NUSAP1: variants seen among roughly 807,000 people sequenced by gnomAD.
NUSAP1 encodes nucleolar and spindle-associated protein 1.
A neutral mutation model predicts 52.8 loss-of-function variants in NUSAP1; 32 were observed. That is an observed-to-expected ratio of 0.61 (90% CI 0.46 to 0.81). The LOEUF (loss-of-function observed/expected upper bound fraction) is 0.81. NUSAP1 is among the 40% of genes least tolerant of loss of function. NUSAP1 has a pLI of 0.00. For synonymous variants in NUSAP1, 195 were observed against 183.1 expected (o/e 1.06, Z -0.52); for missense variants, 499 against 522.3 (o/e 0.96, Z 0.43).
At chr15:41,352,237 C>A (rs1013700009) in intron 4 of NUSAP1, among the ~76,000 whole-genome samples, 5 of 152,066 alleles carry the variant, frequency 3.3e-5, no homozygotes, top group Non-Finnish European at 5.9e-5. Flanking sequence ...CCACCGCACC[C>A]GGCCTTCCTT....
intron 4 of NUSAP1, chr15:41,351,902 T>C (rs1567051473): frequency 2.0e-5 from 3 of 152,110 alleles, no homozygotes; most frequent in Non-Finnish European, 2.9e-5. Flanking sequence ...CAACATATCT[T>C]TTAGGGGGCC....
intron 1 of NUSAP1, among the ~76,000 whole-genome samples, chr15:41,336,295 T>TAAA (rs1555426175): frequency 9.4e-5 from 14 of 148,830 alleles, no homozygotes; most frequent in Admixed American, 3.4e-4. Flanking sequence ...ATAATAATAA[T>TAAA]AAATATATAG....
At chr15:41,367,361 C>T (rs986888514) in intron 7 of NUSAP1, among the ~76,000 whole-genome samples, 28 of 152,158 alleles carry the variant, frequency 1.8e-4, no homozygotes, top group Non-Finnish European at 2.4e-4. Context: ...AGCTCAAGGG[C>T]AGGTTCGCCT....
intron 4 of NUSAP1, 72 bp downstream of exon 4, chr15:41,351,201 A>AT: frequency 6.8e-7 from 1 of 1,474,948 alleles, no homozygotes; most frequent in Non-Finnish European, 9.2e-7. Context: ...AGGTACATTA[A>AT]TTTCCTAGGA....
chr15:41,359,777 C>T (rs919025582), intron 6 of NUSAP1, among the ~76,000 whole-genome samples: 3 of 151,736 alleles, frequency 2.0e-5, no homozygotes, highest in African/African-American at 2.4e-5. Flanking sequence ...AGATTACAGG[C>T]GCCCACCACC....
intron 1 of NUSAP1, among the ~76,000 whole-genome samples, chr15:41,338,055 C>T (rs1424945544): frequency 6.6e-6 from 1 of 151,462 alleles, no homozygotes; most frequent in East Asian, 1.9e-4. Context: ...GCCTCAGCCA[C>T]CCGAGTTCCT....
At chr15:41,350,218 G>C (rs1328153281) in intron 3 of NUSAP1, among the ~76,000 whole-genome samples, 3 of 152,150 alleles carry the variant, frequency 2.0e-5, no homozygotes, top group African/African-American at 4.8e-5. Flanking sequence ...CTTGAACAAA[G>C]ACTGAGCGGG....
intron 1 of NUSAP1, among the ~76,000 whole-genome samples, chr15:41,333,937 C>G (rs2048019331): frequency 6.6e-6 from 1 of 152,108 alleles, no homozygotes; most frequent in Admixed American, 6.6e-5. Context: ...AAACAAAAAA[C>G]CCAAGATGTT....
At chr15:41,360,381 A>G (rs2049127039) in intron 6 of NUSAP1, among the ~76,000 whole-genome samples, 1 of 152,016 alleles carries the variant, frequency 6.6e-6, no homozygotes, top group Non-Finnish European at 1.5e-5. Context: ...CAATGGCGTG[A>G]TCTTGGCTCA....
At position 41,380,073 on chromosome 15, in the gene NUSAP1, G is replaced by A. The variant is rs772777735; in HGVS notation, c.1233-20G>A. 5.8e-6 allele frequency: 9 copies of A among 1,550,210 alleles called. No homozygotes were observed. The highest frequency in any genetic ancestry group is 1.4e-5 in the African/African-American group (1 of 73,156). The stretch of plus-strand genomic sequence containing the variant: ...TTTTGGAGCCTCCCTAGAGCTTAAT[G>A]TGTGACCTATCCCTCTCAGGGAAGA... On this transcript the variant is annotated intron_variant, in intron 10 of 10. Coordinates refer to ENST00000559596, the MANE Select transcript of NUSAP1 (RefSeq NM_016359.5).
At chr15:41,349,391 A>G in intron 3 of NUSAP1, 150 bp downstream of exon 3, 1 of 705,670 alleles carries the variant, frequency 1.4e-6, no homozygotes, top group Non-Finnish European at 2.3e-6. Context: ...ACCCAAGTCC[A>G]GCTGCTCATC....
At chr15:41,363,301 A>T (rs1386947865) in intron 6 of NUSAP1, among the ~76,000 whole-genome samples, 1 of 150,508 alleles carries the variant, frequency 6.6e-6, no homozygotes, top group Non-Finnish European at 1.5e-5. Context: ...AAAAAAAAAA[A>T]AGATCTTGCC....
In NUSAP1 at chr15:41,375,103, G is replaced by A. The variant is rs79008702; in HGVS notation, c.1007-609G>A. ...TGGCTCACTGCAACCTCTGCTTCCC[G>A]GATTTAAGCAATTCCCCTGCCTCAG... On this transcript the variant is annotated intron_variant, in intron 8 of 10. Coordinates refer to ENST00000559596, the MANE Select transcript of NUSAP1 (RefSeq NM_016359.5). Among the ~76,000 whole-genome samples, 46 of 151,556 alleles carry A rather than the reference G, an allele frequency of 3.0e-4. 1 individual carries two copies. Among genetic ancestry groups the A allele is most frequent in the South Asian group, 2.9e-3 (14 of 4,796 alleles).
chr15:41,343,883 T>A (rs2048457594), intron 2 of NUSAP1, among the ~76,000 whole-genome samples: 1 of 152,106 alleles, frequency 6.6e-6, no homozygotes, highest in Non-Finnish European at 1.5e-5. Flanking sequence ...TATCAATTTC[T>A]TTTTTATGGT....
intron 2 of NUSAP1, among the ~76,000 whole-genome samples, chr15:41,348,371 C>A (rs1459552172): frequency 1.3e-5 from 2 of 151,692 alleles, no homozygotes; most frequent in African/African-American, 4.8e-5. Context: ...GAGCCACTGG[C>A]CCGGCTTAAT....
At chr15:41,341,735 T>C (rs932269057) in intron 1 of NUSAP1, among the ~76,000 whole-genome samples, 7 of 152,220 alleles carry the variant, frequency 4.6e-5, no homozygotes, top group Non-Finnish European at 8.8e-5. Flanking sequence ...ATCTTGCACA[T>C]TGTGCAGGTA....
In NUSAP1 at chr15:41,380,705, T is replaced by C. The variant is rs917825407; in HGVS notation, c.*519T>C. ...CATCAATATTTTACCTAGGTGAAAT[T>C]GTTTAGGCTTATGTACCTTCGTTCA... On this transcript the variant is annotated 3_prime_UTR_variant, in exon 11 of 11. Coordinates refer to ENST00000559596, the MANE Select transcript of NUSAP1 (RefSeq NM_016359.5). 6.6e-6 allele frequency: 1 copy of C among 152,466 alleles called. No individual in the cohort carries two copies. Among genetic ancestry groups the C allele is most frequent in the Non-Finnish European group, 1.5e-5 (1 of 68,290 alleles). 9.4% of individuals were successfully genotyped at this position (152,466 alleles called of 1,614,324 possible). A position where few individuals can be genotyped will look rare whatever the true frequency, so the allele number is the denominator to read the frequency against.
intron 10 of NUSAP1, among the ~76,000 whole-genome samples, chr15:41,377,926 C>G (rs376328664): frequency 2.6e-5 from 4 of 151,620 alleles, no homozygotes; most frequent in African/African-American, 9.7e-5. Flanking sequence ...GGAGGCAGAG[C>G]TTACAGTGAG....
Position 41,358,212 on chromosome 15 carries a change from GAA to G in NUSAP1, c.619_620del (p.Lys207GlufsTer4). On this transcript the variant is annotated frameshift_variant, in exon 6 of 11. Transcript: ENST00000559596. LOFTEE classifies it high-confidence loss of function. ...GAGTCCATTGATCAATATATTGAGA[GAA>G]AAAAGAAACATTTTGAAGAACACAA... 2 of 1,577,206 alleles carry G rather than the reference GAA, an allele frequency of 1.3e-6. No individual in the cohort carries two copies. The highest frequency in any genetic ancestry group is 8.7e-7 in the Non-Finnish European group (1 of 1,151,204).
Sources: allele counts gnomAD v4.1 joint callset (sites outside exome capture counted in the v4.1 genomes callset), GRCh38; gene constraint gnomAD v4.1.1; transcripts MANE v1.5; gene names NCBI Gene and HGNC (gene_info 2026-07-23, HGNC 2026-07-21).